The following ANKRD30B variants were observed in gnomAD, a reference collection of about 807,000 sequenced individuals.
The protein encoded by ANKRD30B is ankyrin repeat domain 30B, also known as ankyrin repeat domain-containing protein 30B.
In ANKRD30B, 144 loss-of-function variants were observed where a neutral mutation model predicts 202.2. That is an observed-to-expected ratio of 0.71 (90% CI 0.62 to 0.82). The LOEUF is 0.82. Ranked by LOEUF, ANKRD30B falls within the 40% of genes least tolerant of loss-of-function variation. The probability of loss-of-function intolerance (pLI) is 0.00; values close to 1 mark genes in which losing one functional copy is unlikely to be tolerated. For synonymous variants in ANKRD30B, 508 were observed against 561.3 expected, an observed-to-expected ratio of 0.91 and a Z score of 1.34; for missense variants, 1,487 against 1,669.1, an observed-to-expected ratio of 0.89 and a Z score of 1.90.
chr18:14,797,856 T>C lies in ANKRD30B; in HGVS notation c.2029+2T>C, dbSNP rs1969024572. 8 of 1,543,034 alleles carry C rather than the reference T, an allele frequency of 5.2e-6. No homozygotes were observed. The highest frequency in any genetic ancestry group is 7.0e-6 in the Non-Finnish European group (8 of 1,144,176). On this transcript the variant is annotated splice_donor_variant, in intron 20 of 43. Transcript: ENST00000690538. LOFTEE classifies it high-confidence loss of function. ...AGGACAGAGAAACACTCAAAGCAGG[T>C]ACATTTTGTAATTTAAATTTTAATC... is the stretch of plus-strand genomic sequence containing the variant.
At chr18:14,905,301 GC>G in the ANKRD30B span, 1 of 152,116 alleles carries the variant, frequency 6.6e-6, no homozygotes, top group African/African-American at 2.4e-5. Flanking sequence ...ATTCTTTCTT[GC>G]ACAAGTCCAA....
At chr18:14,895,515 C>G in the ANKRD30B span, among the ~76,000 whole-genome samples, 1 of 152,034 alleles carries the variant, frequency 6.6e-6, no homozygotes, top group Non-Finnish European at 1.5e-5. Context: ...AGCAGTCATG[C>G]CCCCAGGTAT....
In ANKRD30B at chr18:14,837,685, T is replaced by C; in HGVS notation, c.2988+9T>C. On this transcript the variant is annotated intron_variant, in intron 36 of 43. Coordinates refer to ENST00000690538, the MANE Select transcript of ANKRD30B (RefSeq NM_001367607.2). The stretch of plus-strand genomic sequence containing the variant: ...CAACTTCAGATTCTGAGGTACTGTG[T>C]ATTGTTGTTGTTGTTATTTTAAAAC... 1 of 1,533,916 alleles carries C rather than the reference T, an allele frequency of 6.5e-7. No individual in the cohort carries two copies. Among genetic ancestry groups the C allele is most frequent in the Non-Finnish European group, 8.7e-7 (1 of 1,143,570 alleles).
At chr18:14,917,214 T>G in the ANKRD30B span, among the ~76,000 whole-genome samples, 1 of 152,196 alleles carries the variant, frequency 6.6e-6, no homozygotes, top group Non-Finnish European at 1.5e-5. Flanking sequence ...TTCTTCTATT[T>G]TTCCCTTTTC....
chr18:14,772,852 C>T (rs1967101372), intron 9 of ANKRD30B, among the ~76,000 whole-genome samples: 1 of 151,728 alleles, frequency 6.6e-6, no homozygotes, highest in Non-Finnish European at 1.5e-5. Flanking sequence ...CATGGTGGTG[C>T]ATGCCTGTAG....
At chr18:14,775,429 T>C (rs1171925716) in intron 9 of ANKRD30B, among the ~76,000 whole-genome samples, 1 of 152,226 alleles carries the variant, frequency 6.6e-6, no homozygotes, top group Non-Finnish European at 1.5e-5. Flanking sequence ...GAGAAAGAGT[T>C]TAAACTGTAG....
intron 22 of ANKRD30B, among the ~76,000 whole-genome samples, chr18:14,799,849 G>T (rs1969200738): frequency 1.3e-5 from 2 of 151,990 alleles, no homozygotes; most frequent in African/African-American, 4.8e-5. Context: ...TTTGGCCTTG[G>T]TGTCTTTTTA....
downstream of ANKRD30B, among the ~76,000 whole-genome samples, chr18:14,855,817 C>T (rs377044267): frequency 1.3e-3 from 179 of 142,128 alleles, 1 homozygote; most frequent in East Asian, 8.7e-4. Context: ...ATTTCCCAGA[C>T]GGGGTGGCCA....
Position 14,772,239 on chromosome 18 carries a change from C to T in ANKRD30B, c.1329+11C>T, listed in dbSNP as rs372919069. ...AATCTTGCTACCAAGGTAAAATGTT[C>T]TTTTGTGAAGTTGATTTTCTCAGTT... On this transcript the variant is annotated intron_variant, in intron 9 of 43. Transcript: ENST00000690538. The T allele has an allele frequency of 6.8e-7, 1 of 1,470,424 alleles. No homozygotes were observed. Among genetic ancestry groups the T allele is most frequent in the African/African-American group, 1.4e-5 (1 of 71,142 alleles). The allele number at this position is 1,470,424 out of a possible 1,614,324, so 91.1% of individuals were successfully genotyped here. A position where few individuals can be genotyped will look rare whatever the true frequency, so the allele number is the denominator to read the frequency against.
At chr18:14,775,509 T>A (rs1377034944) in intron 9 of ANKRD30B, among the ~76,000 whole-genome samples, 1 of 152,232 alleles carries the variant, frequency 6.6e-6, no homozygotes, top group East Asian at 1.9e-4. Context: ...TATTGGTATA[T>A]TTTGATTATC....
chr18:14,824,592 A>C (rs1970588400), intron 32 of ANKRD30B, among the ~76,000 whole-genome samples: 1 of 152,214 alleles, frequency 6.6e-6, no homozygotes, highest in African/African-American at 2.4e-5. Context: ...TGGAATAATA[A>C]ATATGTAAAT....
intron 30 of ANKRD30B, among the ~76,000 whole-genome samples, chr18:14,815,343 T>G (rs1970030075): frequency 6.7e-6 from 1 of 149,572 alleles, no homozygotes; most frequent in South Asian, 2.2e-4. Flanking sequence ...TTTCAAACTT[T>G]AGAAAACCGT....
intron 24 of ANKRD30B, among the ~76,000 whole-genome samples, chr18:14,807,688 T>C (rs1280876837): frequency 6.7e-6 from 1 of 149,492 alleles, no homozygotes; most frequent in African/African-American, 2.5e-5. Flanking sequence ...TGTGCCACCA[T>C]ACCTGGATGA....
intron 28 of ANKRD30B, among the ~76,000 whole-genome samples, chr18:14,811,517 C>T (rs1011973893): frequency 6.7e-6 from 1 of 149,360 alleles, no homozygotes; most frequent in Admixed American, 6.6e-5. Flanking sequence ...GGCCCAGAGT[C>T]TTTTTACACT....
intron 4 of ANKRD30B, among the ~76,000 whole-genome samples, chr18:14,755,243 G>T (rs1914148260): frequency 6.6e-6 from 1 of 152,122 alleles, no homozygotes; most frequent in Non-Finnish European, 1.5e-5. Context: ...GTAATCTGAT[G>T]ATTTTGGTTG....
At chr18:14,823,490 G>A (rs1970536180) in intron 32 of ANKRD30B, among the ~76,000 whole-genome samples, 1 of 151,788 alleles carries the variant, frequency 6.6e-6, no homozygotes. Flanking sequence ...AGGTGATTGT[G>A]TGTGTGTGCG....
At chr18:14,938,166 G>A in the ANKRD30B span, among the ~76,000 whole-genome samples, 1 of 152,162 alleles carries the variant, frequency 6.6e-6, no homozygotes, top group Non-Finnish European at 1.5e-5. Context: ...ACACACAACC[G>A]TGGCTGGTGT....
chr18:14,874,443 T>C, the ANKRD30B span, among the ~76,000 whole-genome samples: 1 of 152,226 alleles, frequency 6.6e-6, no homozygotes, highest in Non-Finnish European at 1.5e-5. Flanking sequence ...TGAGTAATTC[T>C]AAGGAACAAA....
At chr18:14,903,946 A>G in the ANKRD30B span, among the ~76,000 whole-genome samples, 1 of 152,214 alleles carries the variant, frequency 6.6e-6, no homozygotes, top group Non-Finnish European at 1.5e-5. Flanking sequence ...TCACCACTAC[A>G]TTTGATATAT....
Sources: allele counts gnomAD v4.1 joint callset (sites outside exome capture counted in the v4.1 genomes callset), GRCh38; gene constraint gnomAD v4.1.1; transcripts MANE v1.5; gene names NCBI Gene and HGNC (gene_info 2026-07-23, HGNC 2026-07-21).